Variants in DCAF17 observed in about 807,000 individuals in gnomAD.
The protein encoded by DCAF17 is DDB1- and CUL4-associated factor 17.
Under a neutral mutation model 66.0 loss-of-function variants are expected in DCAF17, and 48 were observed. The observed-to-expected ratio is 0.73, with a 90% CI of 0.58 to 0.92. DCAF17 has a LOEUF of 0.92. Among genes scored for constraint, DCAF17 ranks in the 40% least tolerant of loss-of-function variants. DCAF17 has a pLI of 0.00. For missense variants in DCAF17, 562 were observed against 622.8 expected, an observed-to-expected ratio of 0.90 and a Z score of 1.04; for synonymous variants, 206 against 214.6, an observed-to-expected ratio of 0.96 and a Z score of 0.35.
intron 8 of DCAF17, among the ~76,000 whole-genome samples, chr2:171,458,830 C>T (rs553680509): frequency 4.6e-5 from 7 of 152,182 alleles, no homozygotes; most frequent in African/African-American, 1.4e-4. Flanking sequence ...GAAATTTACC[C>T]CCTCTCTAAG....
At chr2:171,451,570 T>TTTTTGTTTTG (rs908191104) in intron 5 of DCAF17, among the ~76,000 whole-genome samples, 2 of 152,138 alleles carry the variant, frequency 1.3e-5, no homozygotes, top group African/African-American at 2.4e-5. Context: ...AGAGCAAGAA[T>TTTTTGTTTTG]TTTTGTTTTG....
At position 171,468,889 on chromosome 2, in the gene DCAF17, C is replaced by G; in HGVS notation, c.840C>G (p.Asp280Glu). 6.2e-7 allele frequency: 1 copy of G among 1,614,148 alleles called. No homozygotes were observed. Among genetic ancestry groups the G allele is most frequent in the East Asian group, 2.2e-5 (1 of 44,878 alleles). Residue 280 changes from aspartate to glutamate, a missense_variant and splice_region_variant, in exon 9 of 14, where the codon GAC (aspartate) becomes GAG (glutamate). By Grantham distance (45) the Asp-to-Glu change is conservative. Coordinates refer to ENST00000375255, the MANE Select transcript of DCAF17 (RefSeq NM_025000.4). ...GAATTCCTTTTCCTGTCTCTACAGA[C>G]ATGCCACCACTGCTCTTTGAGGTGT... The part of the protein sequence containing the change: ...FGIPCNIKIT[D>E]MPPLLFEVSS...
chr2:171,465,249 G>C (rs1466242778), intron 8 of DCAF17, among the ~76,000 whole-genome samples: 1 of 151,800 alleles, frequency 6.6e-6, no homozygotes, highest in African/African-American at 2.4e-5. Context: ...TTTCCCTGCA[G>C]TTTCTTTTCT....
At position 171,458,381 on chromosome 2, in the gene DCAF17, C is replaced by A; in HGVS notation, c.742C>A (p.Gln248Lys). Residue 248 changes from glutamine to lysine, a missense_variant, in exon 8 of 14, where the codon CAG (glutamine) becomes AAG (lysine). Gln to Lys is a moderately conservative substitution (Grantham distance 53, BLOSUM62 1). This residue lies in a region of DCAF17 where 348 missense variants were observed against 355.9 expected (regional missense o/e 0.98). Coordinates refer to ENST00000375255, the MANE Select transcript of DCAF17 (RefSeq NM_025000.4). ...FQTIAEQFMQ[Q>K]KLDLGCACRW... ...TTTGTTTTGTTTTTAGTTCATGCAA[C>A]AGAAACTTGACTTAGGGTGTGCATG... 1 of 1,613,834 alleles carries A rather than the reference C, an allele frequency of 6.2e-7. No individual in the cohort carries two copies. Among genetic ancestry groups the A allele is most frequent in the South Asian group, 1.1e-5 (1 of 91,078 alleles).
At position 171,435,176 on chromosome 2, in the gene DCAF17, T is replaced by A; in HGVS notation, c.220T>A (p.Cys74Ser). The A allele has an allele frequency of 6.2e-7, 1 of 1,612,556 alleles. No homozygotes were observed. ...AATATATTTTGACAATTATCGGCGC[T>A]GTGTCAGCAGGTAACTTTTTATTGA... ...GRIYFDNYRR[C>S]VSSVASEPRK... is the part of the protein sequence containing the mutation. The change falls in exon 2 of 14, where the codon TGT becomes AGT. Residue 74 changes from cysteine to serine, a missense_variant. Cys to Ser is a moderately radical substitution (Grantham distance 112). Transcript: ENST00000375255.
At chr2:171,471,858 T>A (rs1330535476) in intron 9 of DCAF17, among the ~76,000 whole-genome samples, 1 of 151,604 alleles carries the variant, frequency 6.6e-6, no homozygotes, top group Non-Finnish European at 1.5e-5. Flanking sequence ...CCACAAAAAA[T>A]ACAAAAATTA....
At chr2:171,465,090 C>T (rs944832756) in intron 8 of DCAF17, among the ~76,000 whole-genome samples, 8 of 151,654 alleles carry the variant, frequency 5.3e-5, no homozygotes, top group Non-Finnish European at 1.0e-4. Flanking sequence ...CCCAGCTACT[C>T]GGGAGGCTGA....
At chr2:171,447,285 A>G in intron 3 of DCAF17, 1 of 224,898 alleles carries the variant, frequency 4.4e-6, no homozygotes, top group Non-Finnish European at 9.2e-6. Flanking sequence ...ATATAAAATA[A>G]CTATGTCTTC....
intron 9 of DCAF17, 60 bp downstream of exon 9, chr2:171,469,090 T>A: frequency 6.4e-7 from 1 of 1,571,788 alleles, no homozygotes; most frequent in Non-Finnish European, 8.8e-7. Context: ...ATTTTCTACC[T>A]CTCAAATAGG....
chr2:171,464,467 T>C (rs1280873250), intron 8 of DCAF17, among the ~76,000 whole-genome samples: 1 of 152,224 alleles, frequency 6.6e-6, no homozygotes, highest in Non-Finnish European at 1.5e-5. Flanking sequence ...TCCCTCTGTG[T>C]CTTCAAATCT....
At chr2:171,446,973 C>CT (rs1694661247) in intron 3 of DCAF17, among the ~76,000 whole-genome samples, 1 of 151,936 alleles carries the variant, frequency 6.6e-6, no homozygotes, top group African/African-American at 2.4e-5. Context: ...AATGTATTGT[C>CT]TTTACTATCA....
At chr2:171,466,628 G>A (rs1012346720) in intron 8 of DCAF17, among the ~76,000 whole-genome samples, 3 of 151,842 alleles carry the variant, frequency 2.0e-5, no homozygotes, top group Admixed American at 1.3e-4. Flanking sequence ...GGGTTCACAG[G>A]GCACATTAGA....
At chr2:171,468,848 G>C (rs756909925) in intron 8 of DCAF17, 40 bp from the exon 9 acceptor site, 1 of 1,613,852 alleles carries the variant, frequency 6.2e-7, no homozygotes, top group Admixed American at 1.7e-5. Flanking sequence ...AGAGCCCCCA[G>C]AACAGTGCAG....
At chr2:171,435,639 C>T (rs539432257) in intron 2 of DCAF17, among the ~76,000 whole-genome samples, 100 of 151,550 alleles carry the variant, frequency 6.6e-4, no homozygotes, top group African/African-American at 2.4e-3. Flanking sequence ...CCACAACTGT[C>T]CAACATGAGG....
chr2:171,476,749 C>A, intron 10 of DCAF17, 111 bp from the exon 11 acceptor site: 2 of 736,444 alleles, frequency 2.7e-6, no homozygotes, highest in Non-Finnish European at 4.9e-6. Context: ...AGAGAACTAC[C>A]TCAGTGTTAC....
intron 6 of DCAF17, among the ~76,000 whole-genome samples, chr2:171,454,344 G>T (rs894391116): frequency 3.3e-5 from 5 of 150,990 alleles, no homozygotes; most frequent in South Asian, 2.1e-4. Context: ...CAGTGCAGTG[G>T]CGCAATCTCT....
In DCAF17 at chr2:171,483,276, C is replaced by T; in HGVS notation, c.*2162C>T. On this transcript the variant is annotated 3_prime_UTR_variant, in exon 14 of 14. Transcript: ENST00000375255. ...CTTTACCTGATATTTTAATTCGAGA[C>T]TCTAGCTACATGCCCACCTACTTAA... 1 of 454,076 alleles carries T rather than the reference C, an allele frequency of 2.2e-6. No homozygotes were observed. The highest frequency in any genetic ancestry group is 1.6e-5 in the South Asian group (1 of 64,480). 28.1% of individuals were successfully genotyped at this position (454,076 alleles called of 1,614,324 possible). A position where few individuals can be genotyped will look rare whatever the true frequency, so the allele number is the denominator to read the frequency against.
At chr2:171,459,012 A>C (rs1277711709) in intron 8 of DCAF17, among the ~76,000 whole-genome samples, 5 of 152,222 alleles carry the variant, frequency 3.3e-5, no homozygotes, top group Non-Finnish European at 7.3e-5. Flanking sequence ...TTCAGTTGTT[A>C]GAAAAGAAAT....
chr2:171,453,971 G>A lies in DCAF17; in HGVS notation c.627+758G>A, dbSNP rs142774320. Among the ~76,000 whole-genome samples the A allele has an allele frequency of 2.1e-3, 327 of 152,122 alleles. 2 individuals are homozygous for A. The highest frequency in any genetic ancestry group is 3.4e-3 in the Non-Finnish European group (233 of 68,006). ...TGGCTAAAGAGTAATATTAGTTACC[G>A]TTCATTGCTTATTTTGTGCCATGCA... On this transcript the variant is annotated intron_variant, in intron 6 of 13. Coordinates refer to ENST00000375255, the MANE Select transcript of DCAF17 (RefSeq NM_025000.4).
Sources: gnomAD v4.1 joint callset for allele counts (sites outside exome capture counted in the v4.1 genomes callset) on GRCh38, gnomAD v4.1.1 for gene constraint, gnomAD v4.1.1 regional missense constraint, MANE v1.5 for transcripts, NCBI Gene and HGNC (gene_info 2026-07-23, HGNC 2026-07-21) for gene names.